SEMA3A: variants seen among roughly 807,000 people sequenced by gnomAD.
The protein encoded by SEMA3A is semaphorin-3A.
In SEMA3A, 29 loss-of-function variants were observed where a neutral mutation model predicts 97.9. That is an observed-to-expected ratio of 0.30 (90% CI 0.22 to 0.40). The LOEUF (loss-of-function observed/expected upper bound fraction) is 0.40. Ranked by LOEUF, SEMA3A falls within the 10% of genes least tolerant of loss-of-function variation. The pLI is 1.00. For missense variants in SEMA3A, 763 were observed against 951.3 expected, an observed-to-expected ratio of 0.80 and a Z score of 2.60; for synonymous variants, 321 against 323.7, an observed-to-expected ratio of 0.99 and a Z score of 0.09.
At chr7:84,308,107 T>C (rs934676911) in intron 2 of SEMA3A, among the ~76,000 whole-genome samples, 2 of 152,088 alleles carry the variant, frequency 1.3e-5, no homozygotes, top group African/African-American at 2.4e-5. Context: ...GAAAAAAAGA[T>C]ACAGGTTCTA....
In SEMA3A at chr7:84,463,237, C is replaced by CTTTTTT. The variant is rs59465422; in HGVS notation, c.-246+29217_-246+29222dup. On this transcript the variant is annotated intron_variant, in intron 1 of 3. Coordinates refer to the SEMA3A transcript ENST00000424555. ...ATTACTTTAGTATTTTGTAACTATT[C>CTTTTTT]TTTTTTTTTTTTTTTTTTTTTTTTT... is the stretch of plus-strand genomic sequence containing the variant. Among the ~76,000 whole-genome samples, 184 of 71,338 alleles carry CTTTTTT rather than the reference C, an allele frequency of 2.6e-3. 38 individuals carry two copies. The highest frequency in any genetic ancestry group is 0.01 in the East Asian group (35 of 3,420). 46.8% of individuals were successfully genotyped at this position (71,338 alleles called of 152,430 possible).
chr7:84,230,282 T>G (rs1799089653), intron 3 of SEMA3A, among the ~76,000 whole-genome samples: 2 of 152,006 alleles, frequency 1.3e-5, no homozygotes, highest in Admixed American at 6.6e-5. Context: ...TCTAACAACT[T>G]TTAAAAATTA....
chr7:84,164,018 T>C (rs1350871201), intron 1 of SEMA3A, among the ~76,000 whole-genome samples: 6 of 152,058 alleles, frequency 3.9e-5, no homozygotes, highest in African/African-American at 1.2e-4. Context: ...GCTAATTTTG[T>C]ATTTTTAGTA....
intron 6 of SEMA3A, among the ~76,000 whole-genome samples, chr7:84,016,462 C>CG (rs1791105156): frequency 6.6e-6 from 1 of 150,980 alleles, no homozygotes; most frequent in Admixed American, 6.6e-5. Flanking sequence ...GGCATTAACC[C>CG]GGGAGGCGGA....
intron 2 of SEMA3A, among the ~76,000 whole-genome samples, chr7:84,340,719 G>A (rs1802144065): frequency 6.6e-6 from 1 of 150,504 alleles, no homozygotes; most frequent in Non-Finnish European, 1.5e-5. Flanking sequence ...GGCAGAGGTG[G>A]GAGTGAGCCG....
chr7:84,277,096 A>C (rs1800318227), intron 3 of SEMA3A, among the ~76,000 whole-genome samples: 1 of 152,094 alleles, frequency 6.6e-6, no homozygotes, highest in Admixed American at 6.6e-5. Flanking sequence ...ATAAGATTGG[A>C]CAAAATGGCA....
At chr7:84,472,458 A>G (rs1236923) in intron 1 of SEMA3A, among the ~76,000 whole-genome samples, 80,723 of 151,892 alleles carry the variant, frequency 0.53, 23,070 homozygotes, top group East Asian at 0.91. Context: ...GCTTCGTATT[A>G]TATTATGTGT....
chr7:84,024,167 T>C (rs1791454167), intron 6 of SEMA3A, among the ~76,000 whole-genome samples: 1 of 152,142 alleles, frequency 6.6e-6, no homozygotes, highest in Admixed American at 6.5e-5. Context: ...TGTACTTATA[T>C]AAAAACTGTT....
chr7:84,190,958 T>C (rs1798019833), intron 1 of SEMA3A, among the ~76,000 whole-genome samples: 1 of 81,254 alleles, frequency 1.2e-5, no homozygotes, highest in African/African-American at 7.6e-5. Context: ...AATGTATTGG[T>C]ATATACACAC....
At chr7:84,086,113 G>T (rs1794331689) in intron 4 of SEMA3A, among the ~76,000 whole-genome samples, 1 of 152,058 alleles carries the variant, frequency 6.6e-6, no homozygotes, top group South Asian at 2.1e-4. Flanking sequence ...AAGTCACAGA[G>T]CCAGAGCATA....
Position 84,463,237 on chromosome 7 carries a change from C to CTTTTT in SEMA3A, c.-246+29218_-246+29222dup, listed in dbSNP as rs59465422. Among the ~76,000 whole-genome samples, 156 of 71,346 alleles carry CTTTTT rather than the reference C, an allele frequency of 2.2e-3. 24 individuals are homozygous for CTTTTT. The highest frequency in any genetic ancestry group is 7.6e-3 in the East Asian group (26 of 3,428). 46.8% of individuals were successfully genotyped at this position (71,346 alleles called of 152,430 possible). On this transcript the variant is annotated intron_variant, in intron 1 of 3. Transcript: ENST00000424555. ...ATTACTTTAGTATTTTGTAACTATTCTTTTTTTTTTTTTTTTTTTTTTTTT... is the reference window on the plus strand; with the variant it reads ...ATTACTTTAGTATTTTGTAACTATTCTTTTTTTTTTTTTTTTTTTTTTTTTTTTTT...
At chr7:84,279,019 T>C (rs868107096) in intron 3 of SEMA3A, among the ~76,000 whole-genome samples, 2 of 152,122 alleles carry the variant, frequency 1.3e-5, no homozygotes, top group Admixed American at 1.3e-4. Context: ...GAATGCCAAC[T>C]AATAAATGCA....
chr7:84,045,780 A>C (rs2115580042), intron 6 of SEMA3A, among the ~76,000 whole-genome samples: 1 of 152,070 alleles, frequency 6.6e-6, no homozygotes, highest in Non-Finnish European at 1.5e-5. Context: ...TAATAATCCT[A>C]ACCTATAAAT....
intron 2 of SEMA3A, among the ~76,000 whole-genome samples, chr7:84,358,660 C>T (rs932905334): frequency 2.0e-5 from 3 of 152,002 alleles, no homozygotes; most frequent in African/African-American, 7.3e-5. Flanking sequence ...GTAGTTTTTT[C>T]CAATTCTCTG....
At chr7:84,115,973 C>T (rs777177491) in intron 3 of SEMA3A, among the ~76,000 whole-genome samples, 3 of 152,076 alleles carry the variant, frequency 2.0e-5, no homozygotes, top group African/African-American at 7.2e-5. Flanking sequence ...AACATACATG[C>T]CTTTACCATA....
At chr7:84,212,219 C>T (rs1798645363) in intron 3 of SEMA3A, among the ~76,000 whole-genome samples, 1 of 152,138 alleles carries the variant, frequency 6.6e-6, no homozygotes, top group Admixed American at 6.5e-5. Flanking sequence ...AATCAGTGCT[C>T]TCTCTTTCTC....
intron 2 of SEMA3A, among the ~76,000 whole-genome samples, chr7:84,354,479 C>T (rs1048117622): frequency 6.6e-6 from 1 of 151,416 alleles, no homozygotes; most frequent in Non-Finnish European, 1.5e-5. Context: ...CCCCCATTCC[C>T]TTAAGTTGCA....
intron 3 of SEMA3A, among the ~76,000 whole-genome samples, chr7:84,257,535 A>C (rs1799745389): frequency 6.6e-6 from 1 of 152,178 alleles, no homozygotes; most frequent in South Asian, 2.1e-4. Context: ...ACATGTGGGT[A>C]CTAGCTATAA....
At chr7:84,032,705 A>T (rs1428859562) in intron 6 of SEMA3A, among the ~76,000 whole-genome samples, 4 of 151,986 alleles carry the variant, frequency 2.6e-5, no homozygotes, top group Admixed American at 1.3e-4. Flanking sequence ...TTTAACATTA[A>T]CTACCATGTT....
Sources: gnomAD v4.1 joint callset for allele counts (sites outside exome capture counted in the v4.1 genomes callset) on GRCh38, gnomAD v4.1.1 for gene constraint, MANE v1.5 for transcripts, NCBI Gene and HGNC (gene_info 2026-07-23, HGNC 2026-07-21) for gene names.